Variants in SNTG1 observed in about 807,000 individuals in gnomAD.
The protein encoded by SNTG1 is syntrophin gamma 1.
A neutral mutation model predicts 74.7 loss-of-function variants in SNTG1; 39 were observed. That is an observed-to-expected ratio of 0.52 (90% CI 0.40 to 0.68). The LOEUF is 0.68. SNTG1 is among the 30% of genes least tolerant of loss of function. The pLI is 0.00. For synonymous variants in SNTG1, 254 were observed against 217.1 expected, an observed-to-expected ratio of 1.17 and a Z score of -1.49; for missense variants, 685 against 609.5, an observed-to-expected ratio of 1.12 and a Z score of -1.30.
chr8:50,451,500 AAG>A (rs2093457480), intron 8 of SNTG1, among the ~76,000 whole-genome samples: 2 of 152,002 alleles, frequency 1.3e-5, no homozygotes, highest in Admixed American at 6.6e-5. Flanking sequence ...GGTGGGGAGA[AAG>A]AGAGAGACAG....
At chr8:50,785,733 A>G (rs969764628) in intron 18 of SNTG1, among the ~76,000 whole-genome samples, 1 of 150,144 alleles carries the variant, frequency 6.7e-6, no homozygotes, top group African/African-American at 2.4e-5. Context: ...ATAGACCAGT[A>G]TCCCTAATGG....
At chr8:50,293,045 G>T (rs2130579124) in intron 2 of SNTG1, among the ~76,000 whole-genome samples, 1 of 152,256 alleles carries the variant, frequency 6.6e-6, no homozygotes, top group East Asian at 1.9e-4. Context: ...GGAGGGTCCA[G>T]AATTGTGTTC....
At chr8:50,578,794 T>C (rs2094591658) in intron 12 of SNTG1, among the ~76,000 whole-genome samples, 1 of 152,168 alleles carries the variant, frequency 6.6e-6, no homozygotes, top group Non-Finnish European at 1.5e-5. Context: ...AGGGCCTCCC[T>C]AGCCGTGCTG....
intron 2 of SNTG1, among the ~76,000 whole-genome samples, chr8:50,251,339 C>T (rs745495832): frequency 6.6e-6 from 1 of 151,636 alleles, no homozygotes; most frequent in African/African-American, 2.4e-5. Context: ...ACAAAACAAC[C>T]AAGAAATCGT....
intron 15 of SNTG1, among the ~76,000 whole-genome samples, chr8:50,666,927 T>C (rs2095253589): frequency 6.6e-6 from 1 of 152,058 alleles, no homozygotes; most frequent in African/African-American, 2.4e-5. Context: ...ATACCCCATA[T>C]TTACTTAAAT....
chr8:50,652,031 T>C (rs1032124465), intron 13 of SNTG1, among the ~76,000 whole-genome samples: 1 of 152,202 alleles, frequency 6.6e-6, no homozygotes, highest in African/African-American at 2.4e-5. Context: ...ATTACAGGCG[T>C]GAGCCACCAC....
intron 1 of SNTG1, among the ~76,000 whole-genome samples, chr8:50,126,472 G>A (rs2081142994): frequency 6.6e-6 from 1 of 151,916 alleles, no homozygotes; most frequent in East Asian, 1.9e-4. Context: ...TAAGAAATTA[G>A]TGTGCATTTT....
intron 11 of SNTG1, among the ~76,000 whole-genome samples, chr8:50,538,721 C>T (rs2094325455): frequency 6.6e-6 from 1 of 151,996 alleles, no homozygotes; most frequent in South Asian, 2.1e-4. Context: ...ATGATTATGA[C>T]TTTCACCAAA....
chr8:50,513,350 C>G (rs1243344334), intron 9 of SNTG1, among the ~76,000 whole-genome samples: 5 of 152,178 alleles, frequency 3.3e-5, no homozygotes, highest in Non-Finnish European at 7.3e-5. Flanking sequence ...CTCAGTTAGG[C>G]TACTCGGAGG....
At chr8:50,286,311 A>C (rs577456808) in intron 2 of SNTG1, among the ~76,000 whole-genome samples, 1 of 152,202 alleles carries the variant, frequency 6.6e-6, no homozygotes, top group East Asian at 1.9e-4. Context: ...GTTTCAACCT[A>C]TGTGGGGGCT....
chr8:50,466,965 G>C (rs568742437), intron 8 of SNTG1, among the ~76,000 whole-genome samples: 12 of 151,794 alleles, frequency 7.9e-5, no homozygotes, highest in South Asian at 4.1e-4. Flanking sequence ...TTTTGATATG[G>C]TGGGTTTGTC....
At chr8:50,010,779 G>A (rs550280518) in intron 1 of SNTG1, among the ~76,000 whole-genome samples, 1 of 146,844 alleles carries the variant, frequency 6.8e-6, no homozygotes, top group African/African-American at 2.5e-5. Context: ...AAGGACACAG[G>A]CCTCTCTTTT....
rs575901664 is a variant in SNTG1, at chr8:50,346,735, C to A, written c.-27-47477C>A. ...AAGAATCTTAAGAAAATGGAAGAAC[C>A]TTATTGTGGATATGGAGAAAGCATT... On this transcript the variant is annotated intron_variant, in intron 2 of 18. Transcript: ENST00000642720. Among the ~76,000 whole-genome samples, 10 of 152,326 alleles carry A rather than the reference C, an allele frequency of 6.6e-5. No individual in the cohort carries two copies. In the East Asian group the frequency reaches 9.7e-4, roughly 15 times the overall value.
intron 9 of SNTG1, among the ~76,000 whole-genome samples, chr8:50,516,910 G>T (rs2094138254): frequency 6.6e-6 from 1 of 152,112 alleles, no homozygotes; most frequent in Non-Finnish European, 1.5e-5. Context: ...ACATAGCAAG[G>T]CAGGCCAACA....
At chr8:50,606,841 C>CT (rs5891377) in intron 13 of SNTG1, among the ~76,000 whole-genome samples, 3 of 151,416 alleles carry the variant, frequency 2.0e-5, no homozygotes, top group Admixed American at 6.6e-5. Flanking sequence ...TGCCTTATGC[C>CT]TTTTTTTTAT....
At chr8:50,316,894 A>T (rs1020445357) in intron 2 of SNTG1, among the ~76,000 whole-genome samples, 2 of 152,170 alleles carry the variant, frequency 1.3e-5, no homozygotes, top group Non-Finnish European at 2.9e-5. Context: ...GAAAATGTTT[A>T]AAAAAATTTA....
Position 49,978,152 on chromosome 8 carries a change from A to G in SNTG1, c.-103+65921A>G, listed in dbSNP as rs532760751. The stretch of plus-strand genomic sequence containing the variant: ...TTCAAAGCCCTTTCTGCCTTTCTAC[A>G]GTAAAGAGATGCTGGGATATGAAAG... On this transcript the variant is annotated intron_variant, in intron 1 of 18. Coordinates refer to ENST00000642720, the MANE Select transcript of SNTG1 (RefSeq NM_018967.5). Among the ~76,000 whole-genome samples, 8 of 152,294 alleles carry G rather than the reference A, an allele frequency of 5.3e-5. No individual in the cohort carries two copies. In the East Asian group the frequency reaches 1.5e-3, roughly 29 times the overall value.
chr8:50,083,987 T>C (rs1239711313), intron 1 of SNTG1, among the ~76,000 whole-genome samples: 1 of 152,206 alleles, frequency 6.6e-6, no homozygotes, highest in Non-Finnish European at 1.5e-5. Context: ...ATTTAGAACC[T>C]CTTTCAATTC....
chr8:50,188,775 A>C (rs118023263), intron 2 of SNTG1, among the ~76,000 whole-genome samples: 23 of 152,190 alleles, frequency 1.5e-4, no homozygotes, highest in Non-Finnish European at 2.6e-4. Context: ...GCAGACCAAA[A>C]TCTGTTTCTC....
Sources: gnomAD v4.1 joint callset for allele counts (sites outside exome capture counted in the v4.1 genomes callset) on GRCh38, gnomAD v4.1.1 for gene constraint, MANE v1.5 for transcripts, NCBI Gene and HGNC (gene_info 2026-07-23, HGNC 2026-07-21) for gene names.